Variants in EPHA6 observed in about 807,000 individuals in gnomAD.
The protein encoded by EPHA6 is EPH receptor A6.
A neutral mutation model predicts 112.0 loss-of-function variants in EPHA6; 50 were observed. That is an observed-to-expected ratio of 0.45 (90% CI 0.36 to 0.56). The LOEUF is 0.56. Ranked by LOEUF, EPHA6 falls within the 20% of genes least tolerant of loss-of-function variation. The pLI is 0.00. For synonymous variants in EPHA6, 529 were observed against 490.7 expected, an observed-to-expected ratio of 1.08 and a Z score of -1.03; for missense variants, 1,280 against 1,417.4, an observed-to-expected ratio of 0.90 and a Z score of 1.56.
intron 8 of EPHA6, among the ~76,000 whole-genome samples, chr3:97,478,581 T>C (rs59727751): frequency 2.0e-5 from 3 of 151,824 alleles, no homozygotes; most frequent in Non-Finnish European, 1.5e-5. Context: ...TTCAATTACA[T>C]AAAATAGAAA....
At chr3:97,667,180 A>G (rs2030217111) in intron 14 of EPHA6, among the ~76,000 whole-genome samples, 1 of 152,200 alleles carries the variant, frequency 6.6e-6, no homozygotes, top group African/African-American at 2.4e-5. Flanking sequence ...GTGGTTTATT[A>G]ATCAGAACCA....
intron 5 of EPHA6, among the ~76,000 whole-genome samples, chr3:97,269,087 G>A (rs374957598): frequency 5.9e-5 from 9 of 152,152 alleles, no homozygotes; most frequent in African/African-American, 2.2e-4. Context: ...CATTCCCTGA[G>A]ACAGCTAGTG....
chr3:96,852,600 TC>T (rs2035459224), intron 1 of EPHA6, among the ~76,000 whole-genome samples: 2 of 125,926 alleles, frequency 1.6e-5, no homozygotes, highest in Admixed American at 8.8e-5. Context: ...AAGTATCTTA[TC>T]CAAAAAAAAA....
intron 14 of EPHA6, among the ~76,000 whole-genome samples, chr3:97,651,194 T>C (rs1332052947): frequency 6.6e-6 from 1 of 152,084 alleles, no homozygotes; most frequent in African/African-American, 2.4e-5. Flanking sequence ...TTGTCTTTAG[T>C]ACAATTACAT....
At chr3:97,288,380 T>A (rs1317607171) in intron 5 of EPHA6, among the ~76,000 whole-genome samples, 2 of 152,218 alleles carry the variant, frequency 1.3e-5, no homozygotes. Flanking sequence ...GATAATGGCC[T>A]CCAGCTGCAT....
chr3:97,294,914 A>G (rs1405226291), intron 5 of EPHA6, among the ~76,000 whole-genome samples: 3 of 152,128 alleles, frequency 2.0e-5, no homozygotes, highest in Non-Finnish European at 4.4e-5. Context: ...CCATTCTCAC[A>G]TAGCCTATAA....
chr3:97,424,980 A>G (rs1339569663), intron 6 of EPHA6, among the ~76,000 whole-genome samples: 1 of 152,100 alleles, frequency 6.6e-6, no homozygotes, highest in Non-Finnish European at 1.5e-5. Context: ...CTCCCAAAGA[A>G]TCTCCTTTGA....
Position 97,605,785 on chromosome 3 carries a change from G to A in EPHA6, c.2513-5008G>A, listed in dbSNP as rs1825690. ...ATAGTTTAATTCTGTGAAAAATGAG[G>A]TTGGTAATTTGATGGGAATAACATT... is the stretch of plus-strand genomic sequence containing the variant. On this transcript the variant is annotated intron_variant, in intron 12 of 17. Transcript: ENST00000389672. Among the ~76,000 whole-genome samples, 6 of 151,552 alleles carry A rather than the reference G, an allele frequency of 4.0e-5. No individual in the cohort carries two copies. The East Asian group carries it at 1.2e-3, about 29-fold the overall frequency.
In EPHA6 at chr3:97,404,942, T is replaced by C. The variant is rs1416250843; in HGVS notation, c.1607-208T>C. On this transcript the variant is annotated intron_variant, in intron 5 of 17. Coordinates refer to ENST00000389672, the MANE Select transcript of EPHA6 (RefSeq NM_001080448.3). ...ACTCTTGGAATATTTGAGTTTTTCC[T>C]GTGTTCCCTAAGAGTGTTCCTAAAT... is the stretch of plus-strand genomic sequence containing the variant. 2.0e-5 allele frequency among the ~76,000 whole-genome samples: 3 copies of C among 152,324 alleles called. No homozygotes were observed. In the East Asian group the frequency reaches 5.8e-4, roughly 29 times the overall value.
chr3:97,591,739 T>C (rs557498797), intron 11 of EPHA6, among the ~76,000 whole-genome samples: 4 of 152,334 alleles, frequency 2.6e-5, no homozygotes, highest in South Asian at 2.1e-4. Context: ...GTGCAGAGTT[T>C]CTAACTCATA....
intron 5 of EPHA6, among the ~76,000 whole-genome samples, chr3:97,279,869 T>C (rs1379282963): frequency 6.6e-6 from 1 of 152,016 alleles, no homozygotes; most frequent in Non-Finnish European, 1.5e-5. Context: ...TAGCATTTCT[T>C]TTTTCTTGTT....
At chr3:97,493,319 G>C (rs1019288519) in intron 10 of EPHA6, among the ~76,000 whole-genome samples, 1 of 151,942 alleles carries the variant, frequency 6.6e-6, no homozygotes, top group Non-Finnish European at 1.5e-5. Context: ...CAGATTGGGT[G>C]GCTTAAAAGG....
intron 3 of EPHA6, among the ~76,000 whole-genome samples, chr3:97,101,401 T>G (rs72920271): frequency 0.21 from 31,969 of 151,896 alleles, 4,769 homozygotes; most frequent in African/African-American, 0.4. Flanking sequence ...GTTGTTTGTG[T>G]GTCTGTGTGG....
chr3:97,042,495 A>G (rs1014658514), intron 3 of EPHA6, among the ~76,000 whole-genome samples: 18 of 152,128 alleles, frequency 1.2e-4, no homozygotes, highest in Non-Finnish European at 2.6e-4. Flanking sequence ...GCCCTCATAC[A>G]GTGTGGTTCT....
chr3:96,945,914 A>C (rs1258006895), intron 2 of EPHA6, among the ~76,000 whole-genome samples: 1 of 152,100 alleles, frequency 6.6e-6, no homozygotes, highest in African/African-American at 2.4e-5. Context: ...GATAAATTTA[A>C]AATACCATGT....
chr3:97,508,680 G>A (rs1240817619), intron 10 of EPHA6, among the ~76,000 whole-genome samples: 1 of 152,086 alleles, frequency 6.6e-6, no homozygotes, highest in East Asian at 1.9e-4. Context: ...GGTCCACTTG[G>A]TCCAGAGCTG....
At chr3:97,062,103 A>G (rs948691029) in intron 3 of EPHA6, among the ~76,000 whole-genome samples, 2 of 152,170 alleles carry the variant, frequency 1.3e-5, no homozygotes, top group African/African-American at 4.8e-5. Flanking sequence ...ATACAAGTGT[A>G]TAATGGAGAA....
intron 1 of EPHA6, among the ~76,000 whole-genome samples, chr3:96,835,048 C>T (rs2034319502): frequency 6.6e-6 from 1 of 151,998 alleles, no homozygotes; most frequent in South Asian, 2.1e-4. Flanking sequence ...TTCAACAACA[C>T]TTCAAAAACT....
chr3:97,652,878 A>G (rs1011308457), intron 14 of EPHA6, among the ~76,000 whole-genome samples: 1 of 152,032 alleles, frequency 6.6e-6, no homozygotes, highest in Non-Finnish European at 1.5e-5. Flanking sequence ...TTATGACTCT[A>G]TGACTTGTAT....
Sources: allele counts gnomAD v4.1 joint callset (sites outside exome capture counted in the v4.1 genomes callset), GRCh38; gene constraint gnomAD v4.1.1; transcripts MANE v1.5; gene names NCBI Gene and HGNC (gene_info 2026-07-23, HGNC 2026-07-21).